Variants in SUGP1 observed in about 807,000 individuals in gnomAD.
SUGP1 encodes SURP and G-patch domain-containing protein 1.
A neutral mutation model predicts 76.5 loss-of-function variants in SUGP1; 34 were observed. That is an observed-to-expected ratio of 0.44 (90% CI 0.34 to 0.59). The LOEUF is 0.59. Among genes scored for constraint, SUGP1 ranks in the 20% least tolerant of loss-of-function variants. The pLI, the probability that SUGP1 is intolerant of heterozygous loss-of-function variation, is 0.01. For synonymous variants in SUGP1, 326 were observed against 326.2 expected (o/e 1.00, Z 0.01); for missense variants, 752 against 851.7 (o/e 0.88, Z 1.46).
At chr19:19,294,510 C>CA (rs58011841) in intron 8 of SUGP1, among the ~76,000 whole-genome samples, 3,896 of 90,230 alleles carry the variant, frequency 0.043, 295 homozygotes, top group African/African-American at 0.13. Context: ...GAGTGAGACT[C>CA]AAAAAAAAAA....
chr19:19,295,063 T>C (rs1021729856), intron 8 of SUGP1, among the ~76,000 whole-genome samples: 2 of 152,128 alleles, frequency 1.3e-5, no homozygotes, highest in Non-Finnish European at 2.9e-5. Context: ...TCTGAGAGGC[T>C]GAGGCAAGAA....
intron 8 of SUGP1, among the ~76,000 whole-genome samples, chr19:19,291,585 C>G (rs1001529081): frequency 6.6e-6 from 1 of 151,808 alleles, no homozygotes; most frequent in East Asian, 1.9e-4. Flanking sequence ...TCGAAAAAAC[C>G]TTCCAACAAA....
chr19:19,317,671 C>G (rs554920566), intron 1 of SUGP1, among the ~76,000 whole-genome samples: 1 of 152,078 alleles, frequency 6.6e-6, no homozygotes, highest in South Asian at 2.1e-4. Flanking sequence ...GCATGCACCA[C>G]CTCACTTGGC....
In SUGP1 at chr19:19,280,230, T is replaced by C. The variant is rs1235427314; in HGVS notation, c.1305A>G (p.Thr435=). The C allele has an allele frequency of 3.1e-6, 5 of 1,614,028 alleles. No homozygotes were observed. The highest frequency in any genetic ancestry group is 4.2e-6 in the Non-Finnish European group (5 of 1,179,970). ...KGKPVGLVGV[T]ELSDAQKKQL... ...GCTTCTTCTGGGCGTCTGAAAGCTC[T>C]GTGACGCCCACTAGACCCACAGGCT... The change falls in exon 9 of 14, where the codon ACA becomes ACG. Residue 435 remains threonine (T), a synonymous_variant. Coordinates refer to ENST00000247001, the MANE Select transcript of SUGP1 (RefSeq NM_172231.4).
chr19:19,312,110 G>T (rs934959215), intron 2 of SUGP1, among the ~76,000 whole-genome samples: 1 of 152,008 alleles, frequency 6.6e-6, no homozygotes, highest in Non-Finnish European at 1.5e-5. Flanking sequence ...GTGTGGTGGC[G>T]TGTGCCTATA....
At chr19:19,291,933 A>ACACACACAC (rs71170610) in intron 8 of SUGP1, among the ~76,000 whole-genome samples, 7 of 146,702 alleles carry the variant, frequency 4.8e-5, no homozygotes, top group South Asian at 2.2e-4. Context: ...ACACACACAC[A>ACACACACAC]AAAGGGCCAA....
intron 3 of SUGP1, among the ~76,000 whole-genome samples, chr19:19,309,716 C>T (rs1448573086): frequency 6.6e-6 from 1 of 152,106 alleles, no homozygotes; most frequent in South Asian, 2.1e-4. Flanking sequence ...CGAGACCATC[C>T]TGGATAACAT....
intron 2 of SUGP1, among the ~76,000 whole-genome samples, chr19:19,311,019 G>A (rs1459858095): frequency 6.6e-6 from 1 of 150,688 alleles, no homozygotes; most frequent in African/African-American, 2.4e-5. Flanking sequence ...AACAGGGACT[G>A]CAGGCATGTG....
intron 3 of SUGP1, among the ~76,000 whole-genome samples, chr19:19,306,790 C>T (rs780926794): frequency 6.6e-5 from 10 of 152,216 alleles, no homozygotes; most frequent in Non-Finnish European, 1.0e-4. Context: ...CGGGAATCCC[C>T]TGGGGCACTG....
chr19:19,320,501 T>TC lies in SUGP1; in HGVS notation c.-6dup. 1.2e-6 allele frequency: 2 copies of TC among 1,609,572 alleles called. No homozygotes were observed. Among genetic ancestry groups the TC allele is most frequent in the Non-Finnish European group, 1.7e-6 (2 of 1,178,348 alleles). On this transcript the variant is annotated 5_prime_UTR_variant, in exon 1 of 14. Transcript: ENST00000247001. ...GTTGTCCATCTTGAGACTCATCCAA[T>TC]CCCACAATGCTCCGGCGCCCCTTAA... is the stretch of plus-strand genomic sequence containing the variant.
intron 1 of SUGP1, among the ~76,000 whole-genome samples, chr19:19,317,834 G>A (rs1048395118): frequency 7.5e-6 from 1 of 133,994 alleles, no homozygotes; most frequent in African/African-American, 2.9e-5. Context: ...TTTTTGAGGC[G>A]AACTGTTACT....
chr19:19,316,637 C>T, intron 1 of SUGP1, 44 bp from the exon 2 acceptor site: 2 of 1,603,674 alleles, frequency 1.2e-6, no homozygotes, highest in Non-Finnish European at 1.7e-6. Flanking sequence ...CCTTACTCCA[C>T]AAACACCCCA....
intron 8 of SUGP1, among the ~76,000 whole-genome samples, chr19:19,288,310 T>C (rs549608965): frequency 1.3e-5 from 2 of 152,324 alleles, no homozygotes; most frequent in East Asian, 3.9e-4. Context: ...GAGCTATAGA[T>C]GCACACCACA....
chr19:19,293,942 T>G (rs2061205075), intron 8 of SUGP1, among the ~76,000 whole-genome samples: 2 of 152,172 alleles, frequency 1.3e-5, no homozygotes, highest in South Asian at 4.1e-4. Flanking sequence ...CCCAGCACTT[T>G]GGGAGGCCAA....
intron 8 of SUGP1, among the ~76,000 whole-genome samples, chr19:19,283,324 T>C (rs1014336698): frequency 6.6e-6 from 1 of 152,098 alleles, no homozygotes; most frequent in African/African-American, 2.4e-5. Flanking sequence ...TGGAGTGTAA[T>C]GGTGCAATCT....
intron 10 of SUGP1, 25 bp downstream of exon 10, chr19:19,279,188 C>A: frequency 2.6e-6 from 4 of 1,534,022 alleles, no homozygotes; most frequent in South Asian, 1.2e-5. Flanking sequence ...CAGCCCAGCC[C>A]GGCCCACCCC....
intron 11 of SUGP1, among the ~76,000 whole-genome samples, chr19:19,278,485 TTC>T (rs2146588928): frequency 6.6e-6 from 1 of 152,204 alleles, no homozygotes; most frequent in African/African-American, 2.4e-5. Context: ...CAGGAAATGT[TTC>T]TGAGGCAGCA....
chr19:19,310,382 C>T lies in SUGP1; in HGVS notation c.207-182G>A, dbSNP rs1054521714. ...GATTTCAAGAGACTACTGCGAAGTG[C>T]GCACAGCAGGCTTCAGTACGGTAAG... On this transcript the variant is annotated intron_variant, in intron 2 of 13. Coordinates refer to ENST00000247001, the MANE Select transcript of SUGP1 (RefSeq NM_172231.4). Among the ~76,000 whole-genome samples, 8 of 152,336 alleles carry T rather than the reference C, an allele frequency of 5.3e-5. No individual in the cohort carries two copies. In the East Asian group the frequency reaches 7.7e-4, roughly 15 times the overall value.
intron 1 of SUGP1, among the ~76,000 whole-genome samples, chr19:19,319,358 C>T (rs1473640303): frequency 6.6e-6 from 1 of 152,154 alleles, no homozygotes; most frequent in Non-Finnish European, 1.5e-5. Flanking sequence ...ACTGGCCCCC[C>T]TCTGTGTGGA....
Sources: gnomAD v4.1 joint callset for allele counts (sites outside exome capture counted in the v4.1 genomes callset) on GRCh38, gnomAD v4.1.1 for gene constraint, MANE v1.5 for transcripts, NCBI Gene and HGNC (gene_info 2026-07-23, HGNC 2026-07-21) for gene names.